The following CTNNA2 variants were observed in gnomAD, a reference collection of about 807,000 sequenced individuals.
CTNNA2 encodes catenin alpha 2, also known as catenin alpha-2.
In CTNNA2, 42 loss-of-function variants were observed where a neutral mutation model predicts 101.0. That is an observed-to-expected ratio of 0.42 (90% CI 0.32 to 0.54). CTNNA2 has a LOEUF of 0.54. CTNNA2 is among the 20% of genes least tolerant of loss of function. The pLI is 0.14. For synonymous variants in CTNNA2, 450 were observed against 456.4 expected (o/e 0.99, Z 0.18); for missense variants, 871 against 1,223.1 (o/e 0.71, Z 4.29).
chr2:79,291,842 G>A (rs1386318418), intron 2 of CTNNA2, among the ~76,000 whole-genome samples: 1 of 152,142 alleles, frequency 6.6e-6, no homozygotes, highest in East Asian at 1.9e-4. Flanking sequence ...TATTCAGAAA[G>A]AAAATTATTT....
At chr2:80,628,689 T>A (rs1368234911) in intron 18 of CTNNA2, among the ~76,000 whole-genome samples, 5 of 152,172 alleles carry the variant, frequency 3.3e-5, no homozygotes, top group Admixed American at 1.3e-4. Context: ...TTTTAGGGAA[T>A]TAAGATAGGT....
In CTNNA2 at chr2:79,958,960, A is replaced by G. The variant is rs573421194; in HGVS notation, c.1056+49163A>G. On this transcript the variant is annotated intron_variant, in intron 7 of 18. Transcript: ENST00000402739. ...ACAGCTGGATCCTGATAAAAGTCCAAAGGTTTGATATTTGGCATTTCTCTC... is the reference window on the plus strand; with the variant it reads ...ACAGCTGGATCCTGATAAAAGTCCAGAGGTTTGATATTTGGCATTTCTCTC... Among the ~76,000 whole-genome samples the G allele has an allele frequency of 2.0e-5, 3 of 152,304 alleles. No individual in the cohort carries two copies. The East Asian group carries it at 5.8e-4, about 29-fold the overall frequency.
chr2:79,454,327 T>C (rs1219268627), intron 4 of CTNNA2, among the ~76,000 whole-genome samples: 1 of 152,176 alleles, frequency 6.6e-6, no homozygotes. Flanking sequence ...ATTTGTCAAT[T>C]GTATTACATT....
intron 7 of CTNNA2, among the ~76,000 whole-genome samples, chr2:80,141,412 A>G (rs1703002935): frequency 6.6e-6 from 1 of 152,112 alleles, no homozygotes; most frequent in African/African-American, 2.4e-5. Context: ...GAAGGCTGAG[A>G]TAATCCACAA....
At chr2:79,777,892 G>GTTTTT (rs58015801) in intron 3 of CTNNA2, among the ~76,000 whole-genome samples, 12 of 139,792 alleles carry the variant, frequency 8.6e-5, no homozygotes, top group African/African-American at 2.9e-4. Context: ...TTTGCATGGG[G>GTTTTT]TTTTTTTTTT....
chr2:80,071,863 G>A (rs1698365609), intron 7 of CTNNA2, among the ~76,000 whole-genome samples: 1 of 152,162 alleles, frequency 6.6e-6, no homozygotes, highest in Non-Finnish European at 1.5e-5. Context: ...CATAACAGAG[G>A]AATTCTCGGA....
Position 80,592,132 on chromosome 2 carries a change from G to T in CTNNA2, c.2189+2647G>T, listed in dbSNP as rs572569427. Among the ~76,000 whole-genome samples the T allele has an allele frequency of 9.9e-4, 151 of 152,210 alleles. 1 individual carries two copies. The highest frequency in any genetic ancestry group is 1.3e-4 in the Non-Finnish European group (9 of 68,004). On this transcript the variant is annotated intron_variant, in intron 15 of 18. Transcript: ENST00000402739. ...CAAACTTAAGTTCTAATCTTCAACAGTTTTGAGACTAAGAAAAAAAAACTT... is the reference window on the plus strand; with the variant it reads ...CAAACTTAAGTTCTAATCTTCAACATTTTTGAGACTAAGAAAAAAAAACTT...
intron 3 of CTNNA2, among the ~76,000 whole-genome samples, chr2:79,774,177 C>T (rs1482129103): frequency 6.6e-6 from 1 of 152,074 alleles, no homozygotes; most frequent in Non-Finnish European, 1.5e-5. Context: ...TTGTTTCTGC[C>T]CTGTTGTAAT....
intron 7 of CTNNA2, among the ~76,000 whole-genome samples, chr2:80,031,421 G>A (rs1178233227): frequency 1.3e-5 from 2 of 152,214 alleles, no homozygotes; most frequent in Non-Finnish European, 2.9e-5. Context: ...GGAGCAGCAA[G>A]TCACGTCTTA....
intron 7 of CTNNA2, among the ~76,000 whole-genome samples, chr2:80,249,894 A>G (rs1233509357): frequency 6.6e-6 from 1 of 151,982 alleles, no homozygotes; most frequent in Non-Finnish European, 1.5e-5. Context: ...ATCTTGCTTC[A>G]TGTTATTTGT....
chr2:80,485,931 G>C (rs1024068246), intron 9 of CTNNA2, among the ~76,000 whole-genome samples: 3 of 152,066 alleles, frequency 2.0e-5, no homozygotes, highest in African/African-American at 7.2e-5. Flanking sequence ...TAAGCTTTAG[G>C]AGTCTAGCTT....
intron 7 of CTNNA2, among the ~76,000 whole-genome samples, chr2:80,248,804 G>A (rs1054106809): frequency 6.6e-6 from 1 of 152,162 alleles, no homozygotes; most frequent in Non-Finnish European, 1.5e-5. Flanking sequence ...ATGGCTAAAG[G>A]CCCAGTTTAG....
intron 7 of CTNNA2, among the ~76,000 whole-genome samples, chr2:80,134,514 G>T (rs1237471229): frequency 6.6e-6 from 1 of 152,130 alleles, no homozygotes; most frequent in African/African-American, 2.4e-5. Context: ...TCATCCATGT[G>T]ACCCTGAGAC....
intron 7 of CTNNA2, among the ~76,000 whole-genome samples, chr2:80,092,307 G>A (rs1425783571): frequency 6.6e-6 from 1 of 152,134 alleles, no homozygotes; most frequent in Non-Finnish European, 1.5e-5. Flanking sequence ...CTCATCAGTA[G>A]GAGTCAAAGA....
intron 7 of CTNNA2, among the ~76,000 whole-genome samples, chr2:80,156,486 A>T (rs576940659): frequency 1.2e-4 from 18 of 152,216 alleles, no homozygotes; most frequent in Non-Finnish European, 2.5e-4. Context: ...ATAGCTGGTA[A>T]TCTCTCTTCT....
chr2:80,086,859 C>T (rs1699470441), intron 7 of CTNNA2, among the ~76,000 whole-genome samples: 1 of 151,982 alleles, frequency 6.6e-6, no homozygotes, highest in Admixed American at 6.6e-5. Flanking sequence ...CCTCAAGAAA[C>T]TGATTTGGTT....
intron 7 of CTNNA2, chr2:80,298,561 C>A (rs1675965095): frequency 6.6e-6 from 1 of 152,154 alleles, no homozygotes; most frequent in African/African-American, 2.4e-5. Context: ...TACCAGAGAT[C>A]TGTGTGTACT....
intron 7 of CTNNA2, among the ~76,000 whole-genome samples, chr2:80,382,559 G>A (rs1356510331): frequency 6.6e-6 from 1 of 152,198 alleles, no homozygotes; most frequent in Non-Finnish European, 1.5e-5. Context: ...GCACACAGAA[G>A]AGGCTGGGTT....
At chr2:80,204,860 C>A (rs1377438432) in intron 7 of CTNNA2, among the ~76,000 whole-genome samples, 1 of 151,834 alleles carries the variant, frequency 6.6e-6, no homozygotes, top group Non-Finnish European at 1.5e-5. Context: ...ACTTACACTT[C>A]CACATGGCTG....
Sources: gnomAD v4.1 joint callset for allele counts (sites outside exome capture counted in the v4.1 genomes callset) on GRCh38, gnomAD v4.1.1 for gene constraint, MANE v1.5 for transcripts, NCBI Gene and HGNC (gene_info 2026-07-23, HGNC 2026-07-21) for gene names.